Variants in SYCP2 observed in about 807,000 individuals in gnomAD.
SYCP2 encodes synaptonemal complex protein 2.
SYCP2 carries 55 observed loss-of-function variants against 211.3 expected under a neutral mutation model. The observed-to-expected ratio is 0.26, with a 90% CI of 0.21 to 0.33. SYCP2 has a LOEUF of 0.33. SYCP2 is among the 10% of genes least tolerant of loss of function. The probability of loss-of-function intolerance (pLI) is 1.00; values close to 1 mark genes in which losing one functional copy is unlikely to be tolerated. For missense variants in SYCP2, 1,731 were observed against 1,752.0 expected, an observed-to-expected ratio of 0.99 and a Z score of 0.21; for synonymous variants, 570 against 555.2, an observed-to-expected ratio of 1.03 and a Z score of -0.37.
chr20:59,879,062 G>T (rs1052145990), intron 31 of SYCP2, among the ~76,000 whole-genome samples: 22 of 151,970 alleles, frequency 1.4e-4, no homozygotes, highest in African/African-American at 4.8e-4. Flanking sequence ...ATCTTCGTGA[G>T]ATCTCTAATC....
chr20:59,872,290 C>T (rs866743594), intron 35 of SYCP2, among the ~76,000 whole-genome samples: 19 of 152,026 alleles, frequency 1.2e-4, no homozygotes, highest in African/African-American at 4.3e-4. Context: ...CTCTGGCCAT[C>T]GGGTTGTCCT....
rs150141981 is a variant in SYCP2 at position 59,895,893 on chromosome 20, G to A, written c.1505-296C>T. The stretch of plus-strand genomic sequence containing the variant: ...TTTTAGAACAGAAGGTCAATGTTAA[G>A]TTGTCATATAGACTAAGACTTTAAC... On this transcript the variant is annotated intron_variant, in intron 19 of 44. Coordinates refer to ENST00000357552, the MANE Select transcript of SYCP2 (RefSeq NM_014258.4). 6.2e-3 allele frequency among the ~76,000 whole-genome samples: 938 copies of A among 152,204 alleles called. 12 individuals carry two copies. The highest frequency in any genetic ancestry group is 0.021 in the African/African-American group (883 of 41,548).
chr20:59,887,614 A>G (rs1442176287), intron 24 of SYCP2, among the ~76,000 whole-genome samples: 3 of 152,110 alleles, frequency 2.0e-5, no homozygotes, highest in Non-Finnish European at 2.9e-5. Context: ...AGTCCCACCA[A>G]CAGTGTAAAA....
At chr20:59,884,594 TA>T (rs760121366) in intron 26 of SYCP2, among the ~76,000 whole-genome samples, 77 of 152,074 alleles carry the variant, frequency 5.1e-4, no homozygotes, top group Admixed American at 9.2e-4. Context: ...TGCATTATTT[TA>T]AAAAGGTTAT....
At chr20:59,865,256 A>C in intron 44 of SYCP2, 132 bp downstream of exon 44, 1 of 677,976 alleles carries the variant, frequency 1.5e-6, no homozygotes, top group Middle Eastern at 3.7e-4. Context: ...TAAAGAACTA[A>C]AAGTAATTGG....
chr20:59,877,860 G>C (rs2059591173), intron 32 of SYCP2, 148 bp downstream of exon 32: 1 of 656,242 alleles, frequency 1.5e-6, no homozygotes, highest in Non-Finnish European at 2.5e-6. Context: ...GATTTAAAAA[G>C]AAACAGGAGA....
intron 28 of SYCP2, among the ~76,000 whole-genome samples, 188 bp from the exon 29 acceptor site, chr20:59,881,680 CAAT>C (rs1237459542): frequency 1.4e-5 from 2 of 144,950 alleles, no homozygotes; most frequent in Non-Finnish European, 3.0e-5. Context: ...TTTTTTTCAT[CAAT>C]AAGAAAGGTG....
In SYCP2 at chr20:59,919,477, T is replaced by TCA; in HGVS notation, c.402+14_402+15dup. ...ACATGCTTTATAAATATCAGTGTAA[T>TCA]CAATGTGATTTTTACCAGCAGAAGA... On this transcript the variant is annotated intron_variant, in intron 6 of 44. Transcript: ENST00000357552. The TCA allele has an allele frequency of 6.8e-7, 1 of 1,480,948 alleles. No homozygotes were observed. Among genetic ancestry groups the TCA allele is most frequent in the South Asian group, 1.2e-5 (1 of 86,772 alleles). The allele number at this position is 1,480,948 out of a possible 1,614,324, so 91.7% of individuals were successfully genotyped here. A position where few individuals can be genotyped will look rare whatever the true frequency, so the allele number is the denominator to read the frequency against.
In SYCP2 at chr20:59,919,556, A is replaced by T; in HGVS notation, c.339T>A (p.Ser113Arg). 6.2e-7 allele frequency: 1 copy of T among 1,610,462 alleles called. No individual in the cohort carries two copies. The highest frequency in any genetic ancestry group is 1.7e-5 in the Admixed American group (1 of 59,650). ...WFEKSKDIIQ[S>R]QGNSKDEAVL... The stretch of plus-strand genomic sequence containing the variant: ...CAGCTTCATCTTTTGAATTTCCTTG[A>T]CTCTGAATAATGTCCTTGGATTTTT... Residue 113 changes from serine to arginine, a missense_variant, in exon 6 of 45, where the codon AGT becomes AGA. By Grantham distance (110) the Ser-to-Arg change is moderately radical. Around this residue, in one of 3 missense-constraint regions of SYCP2, gnomAD observed 335 missense variants for 378.8 expected, o/e 0.88. Transcript: ENST00000357552.
chr20:59,931,207 C>G (rs960020686), intron 2 of SYCP2, among the ~76,000 whole-genome samples: 1 of 152,114 alleles, frequency 6.6e-6, no homozygotes, highest in African/African-American at 2.4e-5. Flanking sequence ...ACTGCTTGAG[C>G]CCAGGAGCTC....
chr20:59,904,697 T>C (rs1381363408), intron 15 of SYCP2, among the ~76,000 whole-genome samples: 1 of 152,166 alleles, frequency 6.6e-6, no homozygotes, highest in Non-Finnish European at 1.5e-5. Context: ...TATTAGTCTG[T>C]ATTAGTCTGC....
rs1484612370 is a variant in SYCP2, at chr20:59,920,377, T to C, written c.279A>G (p.Lys93=). ...LGQAGLLTMI[K]QGLIQKMVAW... ...TACTTATCTTTTGTATTAGTCCTTG[T>C]TTTATCATCGTTAGAAGTCCAGCTT... is the stretch of plus-strand genomic sequence containing the variant. The change falls in exon 5 of 45, where the codon AAA becomes AAG. Residue 93 remains lysine, a synonymous_variant. Transcript: ENST00000357552. 1 of 1,608,030 alleles carries C rather than the reference T, an allele frequency of 6.2e-7. No homozygotes were observed. The highest frequency in any genetic ancestry group is 1.7e-4 in the Middle Eastern group (1 of 6,040).
chr20:59,878,008 C>T lies in SYCP2; in HGVS notation c.2979G>A (p.Met993Ile). The T allele has an allele frequency of 6.2e-7, 1 of 1,601,316 alleles. No homozygotes were observed. Among genetic ancestry groups the T allele is most frequent in the East Asian group, 2.3e-5 (1 of 44,262 alleles). Reference protein sequence around the residue: ...SLEKGQPSSKMTPSKNITKKM... With the variant: ...SLEKGQPSSKITPSKNITKKM... The stretch of plus-strand genomic sequence containing the variant: ...TTTGAACACAAACTTCTTGGCTTAC[C>T]ATTTTAGAGCTTGGCTGTCCCTTTT... Residue 993 changes from methionine (M) to isoleucine (I), a missense_variant and splice_region_variant, in exon 32 of 45, where the codon ATG becomes ATA. Around this residue, in one of 3 missense-constraint regions of SYCP2, gnomAD observed 1,387 missense variants for 1,351.3 expected, o/e 1.03. Transcript: ENST00000357552.
intron 7 of SYCP2, among the ~76,000 whole-genome samples, chr20:59,917,132 ATTTT>A (rs201290093): frequency 1.2e-4 from 18 of 147,748 alleles, no homozygotes; most frequent in African/African-American, 3.9e-4. Context: ...GGAGGTATTT[ATTTT>A]TTTTTTTAGA....
At chr20:59,919,320 C>T in intron 6 of SYCP2, 138 bp from the exon 7 acceptor site, 1 of 660,778 alleles carries the variant, frequency 1.5e-6, no homozygotes, top group Non-Finnish European at 2.6e-6. Context: ...TATTAACTAA[C>T]CATTTAATTA....
At chr20:59,902,969 T>A (rs961960792) in intron 15 of SYCP2, among the ~76,000 whole-genome samples, 1 of 152,156 alleles carries the variant, frequency 6.6e-6, no homozygotes, top group Non-Finnish European at 1.5e-5. Context: ...TCCTCTGATA[T>A]GCTTTTGACT....
chr20:59,875,560 T>C, intron 33 of SYCP2, 91 bp from the exon 34 acceptor site: 1 of 965,714 alleles, frequency 1.0e-6, no homozygotes. Flanking sequence ...ATTTATTAAA[T>C]GTTGTATATT....
intron 22 of SYCP2, 26 bp downstream of exon 22, chr20:59,893,116 T>G (rs570163135): frequency 2.6e-6 from 4 of 1,525,914 alleles, no homozygotes; most frequent in Non-Finnish European, 3.6e-6. Context: ...ATAGACTAAA[T>G]GATTTGATGG....
chr20:59,915,675 T>C, intron 8 of SYCP2, 125 bp from the exon 9 acceptor site: 1 of 630,776 alleles, frequency 1.6e-6, no homozygotes, highest in Non-Finnish European at 2.8e-6. Context: ...ATTATGGGAA[T>C]GGAGTAGGAT....
Sources: allele counts gnomAD v4.1 joint callset (sites outside exome capture counted in the v4.1 genomes callset), GRCh38; gene constraint gnomAD v4.1.1; regional missense constraint gnomAD v4.1.1; transcripts MANE v1.5; gene names NCBI Gene and HGNC (gene_info 2026-07-23, HGNC 2026-07-21).